Variants in MYO1B observed in about 807,000 individuals in gnomAD.
The protein encoded by MYO1B is myosin IB.
A neutral mutation model predicts 159.7 loss-of-function variants in MYO1B; 72 were observed. The observed-to-expected ratio is 0.45, with a 90% CI of 0.37 to 0.55. MYO1B has a LOEUF of 0.55. MYO1B is among the 20% of genes least tolerant of loss of function. The pLI is 0.00. For missense variants in MYO1B, 1,062 were observed against 1,364.8 expected (o/e 0.78, Z 3.50); for synonymous variants, 468 against 473.8 (o/e 0.99, Z 0.16).
intron 1 of MYO1B, among the ~76,000 whole-genome samples, chr2:191,269,460 G>A (rs1006192511): frequency 1.6e-4 from 23 of 144,658 alleles, no homozygotes; most frequent in African/African-American, 5.8e-4. Context: ...CTATGAACAT[G>A]GGTGTACCAA....
chr2:191,384,527 CTG>C (rs1397914260), intron 15 of MYO1B, among the ~76,000 whole-genome samples: 3 of 152,074 alleles, frequency 2.0e-5, no homozygotes, highest in African/African-American at 7.2e-5. Flanking sequence ...AAGAAATAAA[CTG>C]TGTTTCAAAA....
intron 1 of MYO1B, among the ~76,000 whole-genome samples, chr2:191,275,660 T>C (rs1214067405): frequency 6.6e-6 from 1 of 152,236 alleles, no homozygotes; most frequent in Non-Finnish European, 1.5e-5. Context: ...AAATGTCCTT[T>C]CCACTCATTA....
chr2:191,366,952 A>G (rs767894729), intron 11 of MYO1B, among the ~76,000 whole-genome samples: 27 of 151,762 alleles, frequency 1.8e-4, no homozygotes, highest in Non-Finnish European at 3.5e-4. Flanking sequence ...AAGCTCCTGG[A>G]GGGCAGGCCC....
intron 3 of MYO1B, among the ~76,000 whole-genome samples, chr2:191,307,233 G>GC (rs1553539121): frequency 4.8e-5 from 7 of 145,066 alleles, no homozygotes; most frequent in African/African-American, 1.8e-4. Flanking sequence ...GGTTCCTTCT[G>GC]TTTTTTTTTT....
At chr2:191,362,773 A>G (rs911282741) in intron 9 of MYO1B, among the ~76,000 whole-genome samples, 1 of 152,224 alleles carries the variant, frequency 6.6e-6, no homozygotes, top group African/African-American at 2.4e-5. Context: ...CTCATATATA[A>G]ACCCGAGCGA....
intron 26 of MYO1B, 75 bp from the exon 27 acceptor site, chr2:191,410,991 C>G (rs1387350424): frequency 4.8e-6 from 4 of 835,528 alleles, no homozygotes; most frequent in Non-Finnish European, 7.4e-6. Context: ...GATAAATTGT[C>G]TTAGCATATT....
At chr2:191,362,064 A>G (rs1427527988) in intron 8 of MYO1B, among the ~76,000 whole-genome samples, 1 of 152,230 alleles carries the variant, frequency 6.6e-6, no homozygotes, top group Non-Finnish European at 1.5e-5. Context: ...AGATAAGTAT[A>G]AAACAGAGTT....
At chr2:191,291,827 AAGG>A (rs1194114380) in intron 2 of MYO1B, among the ~76,000 whole-genome samples, 1 of 152,234 alleles carries the variant, frequency 6.6e-6, no homozygotes, top group African/African-American at 2.4e-5. Context: ...GATCCTTGAA[AAGG>A]AGATTTAATC....
intron 6 of MYO1B, among the ~76,000 whole-genome samples, chr2:191,347,883 TGTTG>T (rs1338682906): frequency 1.3e-5 from 2 of 152,216 alleles, no homozygotes; most frequent in East Asian, 3.8e-4. Flanking sequence ...AACCAGTCTG[TGTTG>T]GTCTGGTTAA....
At chr2:191,416,366 C>G in intron 30 of MYO1B, 124 bp downstream of exon 30, 2 of 1,178,172 alleles carry the variant, frequency 1.7e-6, no homozygotes, top group Non-Finnish European at 2.4e-6. Context: ...AGTAGTTGTT[C>G]CACATGATAA....
chr2:191,264,680 A>G (rs998481237), intron 1 of MYO1B, among the ~76,000 whole-genome samples: 2 of 152,012 alleles, frequency 1.3e-5, no homozygotes, highest in Non-Finnish European at 1.5e-5. Context: ...TTATGAGATC[A>G]GAATAAAGAG....
chr2:191,390,168 T>C (rs1695658038), intron 17 of MYO1B, 124 bp from the exon 18 acceptor site: 3 of 834,862 alleles, frequency 3.6e-6, no homozygotes, highest in Non-Finnish European at 5.3e-6. Context: ...AAGTAATGAC[T>C]AGGTTTCTTA....
At chr2:191,290,307 A>G (rs1688620544) in intron 2 of MYO1B, among the ~76,000 whole-genome samples, 1 of 152,158 alleles carries the variant, frequency 6.6e-6, no homozygotes, top group South Asian at 2.1e-4. Context: ...TTAACCTGGT[A>G]TATCACATGT....
intron 3 of MYO1B, among the ~76,000 whole-genome samples, chr2:191,311,265 C>T (rs745317870): frequency 8.5e-5 from 13 of 152,306 alleles, no homozygotes; most frequent in Middle Eastern, 3.4e-3. Context: ...TCCACATCAA[C>T]AGCCAAAACT....
At chr2:191,380,755 T>C (rs1289871738) in intron 13 of MYO1B, among the ~76,000 whole-genome samples, 1 of 152,124 alleles carries the variant, frequency 6.6e-6, no homozygotes, top group Non-Finnish European at 1.5e-5. Context: ...GTCAGGGAGA[T>C]GCTTTAATCT....
At chr2:191,406,314 A>G (rs540918976) in intron 24 of MYO1B, among the ~76,000 whole-genome samples, 3 of 152,286 alleles carry the variant, frequency 2.0e-5, no homozygotes, top group Non-Finnish European at 4.4e-5. Context: ...TATCATTTGT[A>G]TGTTCACTGG....
chr2:191,258,450 G>A (rs1686589950), intron 1 of MYO1B, among the ~76,000 whole-genome samples: 1 of 152,198 alleles, frequency 6.6e-6, no homozygotes, highest in Admixed American at 6.5e-5. Flanking sequence ...GTACACTGCT[G>A]TAGACTTTAT....
chr2:191,404,063 T>C (rs1270084213), intron 24 of MYO1B, among the ~76,000 whole-genome samples: 2 of 152,224 alleles, frequency 1.3e-5, no homozygotes, highest in Non-Finnish European at 2.9e-5. Flanking sequence ...CCAGTATTAT[T>C]GTATGAAATA....
intron 1 of MYO1B, among the ~76,000 whole-genome samples, chr2:191,261,431 GGTTAA>G (rs1440522485): frequency 5.9e-5 from 9 of 152,168 alleles, no homozygotes; most frequent in Admixed American, 4.6e-4. Flanking sequence ...ATGATTGGTG[GGTTAA>G]GTTGTGATTA....
Sources: gnomAD v4.1 joint callset for allele counts (sites outside exome capture counted in the v4.1 genomes callset) on GRCh38, gnomAD v4.1.1 for gene constraint, MANE v1.5 for transcripts, NCBI Gene and HGNC (gene_info 2026-07-23, HGNC 2026-07-21) for gene names.